Variants in ZNF626 observed in about 807,000 individuals in gnomAD.
The protein encoded by ZNF626 is zinc finger protein 626, also known as CTC-513N18.7.
A neutral mutation model predicts 11.7 loss-of-function variants in ZNF626; 4 were observed. The ratio of observed to expected loss-of-function variants is 0.34; its 90% confidence interval spans 0.17 to 0.78. The LOEUF is 0.78. Among genes scored for constraint, ZNF626 ranks in the 30% least tolerant of loss-of-function variants. ZNF626 has a pLI of 0.57. For missense variants in ZNF626, 588 were observed against 587.1 expected, an observed-to-expected ratio of 1.00 and a Z score of -0.01; for synonymous variants, 179 against 198.6, an observed-to-expected ratio of 0.90 and a Z score of 0.83.
intron 3 of ZNF626, 46 bp downstream of exon 3, chr19:20,645,638 C>A: frequency 1.3e-6 from 2 of 1,589,248 alleles, no homozygotes; most frequent in Non-Finnish European, 1.7e-6. Flanking sequence ...GACCTTGGGA[C>A]CCCTTATCTG....
At chr19:20,659,529 T>A (rs572724535) in intron 1 of ZNF626, among the ~76,000 whole-genome samples, 1 of 152,066 alleles carries the variant, frequency 6.6e-6, no homozygotes, top group Non-Finnish European at 1.5e-5. Flanking sequence ...GCCTGAGCCA[T>A]GGCGCTCAGC....
At position 20,625,480 on chromosome 19, in the gene ZNF626, G is replaced by A; in HGVS notation, c.397C>T (p.Leu133Phe). The A allele has an allele frequency of 1.2e-6, 2 of 1,613,982 alleles. No individual in the cohort carries two copies. Among genetic ancestry groups the A allele is most frequent in the Admixed American group, 3.3e-5 (2 of 59,996 alleles). ...CKVHKEGYNE[L>F]NQCLTTTPRK... is the part of the protein sequence containing the mutation. ...GGGGTAGTTGTCAAACATTGGTTAA[G>A]TTCATTATAACCTTCTTTGTGCACC... The change falls in exon 4 of 4, where the codon CTT (leucine) becomes TTT (phenylalanine). Residue 133 changes from leucine (L) to phenylalanine (F), a missense_variant. Physicochemically the swap from Leu to Phe is conservative, Grantham distance 22. Transcript: ENST00000601440.
At chr19:20,635,987 C>T (rs4808256) in intron 3 of ZNF626, among the ~76,000 whole-genome samples, 68,218 of 151,864 alleles carry the variant, frequency 0.45, 16,583 homozygotes, top group African/African-American at 0.64. Flanking sequence ...ACAAAATTAG[C>T]CGGGTGTGGT....
intron 1 of ZNF626, among the ~76,000 whole-genome samples, chr19:20,650,816 T>C (rs1348517380): frequency 6.6e-6 from 1 of 152,214 alleles, no homozygotes; most frequent in Non-Finnish European, 1.5e-5. Flanking sequence ...TATGCTAATA[T>C]GCAATTTAAA....
At chr19:20,638,999 A>G (rs1969995518) in intron 3 of ZNF626, among the ~76,000 whole-genome samples, 1 of 152,224 alleles carries the variant, frequency 6.6e-6, no homozygotes, top group African/African-American at 2.4e-5. Flanking sequence ...ACAGTTTGGC[A>G]GACTGTATAA....
intron 3 of ZNF626, chr19:20,645,469 T>C: frequency 6.2e-7 from 1 of 1,609,024 alleles, no homozygotes; most frequent in Non-Finnish European, 8.5e-7. Flanking sequence ...AGGAAAATCC[T>C]TAGAGAATTT....
chr19:20,648,016 T>G (rs1471264950), intron 1 of ZNF626, among the ~76,000 whole-genome samples: 3 of 151,532 alleles, frequency 2.0e-5, no homozygotes, highest in Non-Finnish European at 4.4e-5. Context: ...CCATCTCTAT[T>G]AAAAATACAA....
intron 1 of ZNF626, among the ~76,000 whole-genome samples, chr19:20,651,926 CT>C (rs572569447): frequency 5.9e-5 from 9 of 151,268 alleles, no homozygotes; most frequent in South Asian, 2.1e-4. Flanking sequence ...TCTTAAGATG[CT>C]TTTTTTTTAC....
At chr19:20,639,192 C>T (rs1555771184) in intron 3 of ZNF626, among the ~76,000 whole-genome samples, 1 of 152,042 alleles carries the variant, frequency 6.6e-6, no homozygotes, top group South Asian at 2.1e-4. Flanking sequence ...TTTTGGTTAC[C>T]AAGAAAATGT....
intron 1 of ZNF626, among the ~76,000 whole-genome samples, chr19:20,654,105 T>C (rs274814): frequency 0.23 from 35,528 of 152,172 alleles, 4,251 homozygotes; most frequent in South Asian, 0.3. Flanking sequence ...ACAATTTTAA[T>C]GAACTAGTCA....
In ZNF626 at chr19:20,645,096, A is replaced by G. The variant is rs569103439; in HGVS notation, c.226+588T>C. 8.2e-5 allele frequency: 30 copies of G among 364,876 alleles called. No individual in the cohort carries two copies. The East Asian group carries it at 2.4e-3, about 30-fold the overall frequency. 22.6% of individuals were successfully genotyped at this position (364,876 alleles called of 1,614,324 possible). ...TACTATTTTCACAATAATGGAAAAT[A>G]CAATTCAAAAATTTACATGAAACTA... On this transcript the variant is annotated intron_variant, in intron 3 of 3. Transcript: ENST00000601440.
intron 2 of ZNF626, among the ~76,000 whole-genome samples, 192 bp from the exon 3 acceptor site, chr19:20,645,971 C>T (rs2288536): frequency 0.29 from 44,285 of 151,730 alleles, 7,102 homozygotes; most frequent in East Asian, 0.46. Context: ...CTACCTGGTG[C>T]TACTGAATCA....
chr19:20,640,751 G>T lies in ZNF626; in HGVS notation c.226+4933C>A, dbSNP rs536556336. On this transcript the variant is annotated intron_variant, in intron 3 of 3. Coordinates refer to ENST00000601440, the MANE Select transcript of ZNF626 (RefSeq NM_001076675.3). ...TAAAAACACCAAATCTGTTGATGAT[G>T]CAATAAAAATGAAACCTAAGTTGAA... is the stretch of plus-strand genomic sequence containing the variant. Among the ~76,000 whole-genome samples, 3 of 151,916 alleles carry T rather than the reference G, an allele frequency of 2.0e-5. No individual in the cohort carries two copies. In the South Asian group the frequency reaches 6.2e-4, roughly 32 times the overall value.
chr19:20,632,346 T>C (rs186005113), intron 3 of ZNF626, among the ~76,000 whole-genome samples: 2 of 152,200 alleles, frequency 1.3e-5, no homozygotes, highest in African/African-American at 4.8e-5. Flanking sequence ...CCTTGCTAGA[T>C]TGGGGAAGTT....
rs376688731 is a variant in ZNF626, at chr19:20,623,664, G to C, written c.*626C>G. On this transcript the variant is annotated 3_prime_UTR_variant, in exon 4 of 4. Coordinates refer to ENST00000601440, the MANE Select transcript of ZNF626 (RefSeq NM_001076675.3). ...AAATACAAAAGTTAGCTGGGCATGGGGGTGGGCACCTGTAATCCCCCTTAC... is the reference window on the plus strand; with the variant it reads ...AAATACAAAAGTTAGCTGGGCATGGCGGTGGGCACCTGTAATCCCCCTTAC... 5.4e-6 allele frequency: 1 copy of C among 183,766 alleles called. No individual in the cohort carries two copies. Among genetic ancestry groups the C allele is most frequent in the African/African-American group, 2.4e-5 (1 of 41,576 alleles). The allele number at this position is 183,766 out of a possible 1,614,324, so 11.4% of individuals were successfully genotyped here.
intron 1 of ZNF626, among the ~76,000 whole-genome samples, chr19:20,655,282 G>A (rs1970193158): frequency 6.6e-6 from 1 of 152,160 alleles, no homozygotes; most frequent in Non-Finnish European, 1.5e-5. Context: ...ACTTCAGCCT[G>A]CAAATATTGG....
chr19:20,628,453 CTTT>C (rs1969865538), intron 3 of ZNF626, among the ~76,000 whole-genome samples: 1 of 151,986 alleles, frequency 6.6e-6, no homozygotes, highest in Admixed American at 6.6e-5. Context: ...TGTTTCCTGA[CTTT>C]TTAATGATTG....
chr19:20,645,756 G>T lies in ZNF626; in HGVS notation c.154C>A (p.Leu52Met), dbSNP rs139829975. The change falls in exon 3 of 4, where the codon CTG becomes ATG. Residue 52 changes from leucine to methionine, a missense_variant. Transcript: ENST00000601440. The stretch of plus-strand genomic sequence containing the variant: ...CTTCCTTGCTCCAGACAGGTGATCA[G>T]GTCTGGCTTAGAAACAGTAATACCT... ...FLGITVSKPDLITCLEQGRKP... is the reference protein window; with the variant it reads ...FLGITVSKPDMITCLEQGRKP... 1.0e-4 allele frequency: 164 copies of T among 1,608,086 alleles called. No individual in the cohort carries two copies. In the African/African-American group the frequency reaches 1.7e-3, roughly 16 times the overall value.
rs1256210562 is a variant in ZNF626, at chr19:20,624,327, G to C, written c.1550C>G (p.Pro517Arg). The part of the protein sequence containing the change: ...NSTNVKNVAK[P>R]SSGPHTLLHI... The stretch of plus-strand genomic sequence containing the variant: ...TAGTAAGGTGTGAGGACCGCTTGAA[G>C]GCTTTGCCACATTCTTCACATTTGT... Residue 517 changes from proline to arginine, a missense_variant, in exon 4 of 4, where the codon CCT becomes CGT. Pro to Arg is a moderately radical substitution (Grantham distance 103). Coordinates refer to ENST00000601440, the MANE Select transcript of ZNF626 (RefSeq NM_001076675.3). 1 of 1,608,834 alleles carries C rather than the reference G, an allele frequency of 6.2e-7. No homozygotes were observed. The highest frequency in any genetic ancestry group is 2.2e-5 in the East Asian group (1 of 44,552).
Sources: allele counts gnomAD v4.1 joint callset (sites outside exome capture counted in the v4.1 genomes callset), GRCh38; gene constraint gnomAD v4.1.1; transcripts MANE v1.5; gene names NCBI Gene and HGNC (gene_info 2026-07-23, HGNC 2026-07-21).